Variants in FMN2 observed in about 807,000 individuals in gnomAD.
FMN2 encodes the protein formin-2.
A neutral mutation model predicts 142.3 loss-of-function variants in FMN2; 51 were observed. The ratio of observed to expected loss-of-function variants is 0.36; its 90% CI spans 0.29 to 0.45. The LOEUF (loss-of-function observed/expected upper bound fraction) is 0.45, where lower values mean the gene tolerates loss of function less well. Ranked by LOEUF, FMN2 falls within the 20% of genes least tolerant of loss-of-function variation. The pLI is 1.00. For synonymous variants in FMN2, 882 were observed against 869.8 expected (o/e 1.01, Z -0.25); for missense variants, 1,936 against 2,122.8 (o/e 0.91, Z 1.73).
intron 6 of FMN2, among the ~76,000 whole-genome samples, chr1:240,241,127 C>T (rs545801257): frequency 6.5e-4 from 99 of 152,170 alleles, no homozygotes; most frequent in African/African-American, 2.3e-3. Context: ...TTTAGAAATG[C>T]AACCTGCTAG....
chr1:240,462,564 T>C (rs1558120606), intron 16 of FMN2, among the ~76,000 whole-genome samples: 1 of 152,230 alleles, frequency 6.6e-6, no homozygotes, highest in Non-Finnish European at 1.5e-5. Flanking sequence ...CCTAGTTGTT[T>C]ACCAGAATTT....
intron 7 of FMN2, among the ~76,000 whole-genome samples, chr1:240,275,077 TAA>T (rs1669149156): frequency 8.9e-6 from 1 of 111,912 alleles, no homozygotes; most frequent in Non-Finnish European, 1.8e-5. Flanking sequence ...TTCTTTTTTT[TAA>T]GTTTTTTTTT....
intron 2 of FMN2, chr1:240,170,490 A>T (rs1664658130): frequency 3.4e-6 from 5 of 1,487,476 alleles, no homozygotes; most frequent in Non-Finnish European, 4.7e-6. Context: ...CTAAATCCTA[A>T]AACTAACCTT....
chr1:240,239,716 T>A (rs1474964212), intron 6 of FMN2, among the ~76,000 whole-genome samples: 1 of 152,192 alleles, frequency 6.6e-6, no homozygotes, highest in Admixed American at 6.5e-5. Flanking sequence ...GAAAGAAACA[T>A]CATGCCATTG....
chr1:240,292,757 A>G (rs1211614532), intron 7 of FMN2, among the ~76,000 whole-genome samples: 1 of 152,156 alleles, frequency 6.6e-6, no homozygotes, highest in Admixed American at 6.6e-5. Flanking sequence ...TGGCACTTCG[A>G]TAATTGTAAT....
At chr1:240,361,182 T>C (rs905179665) in intron 14 of FMN2, among the ~76,000 whole-genome samples, 11 of 103,486 alleles carry the variant, frequency 1.1e-4, no homozygotes, top group Non-Finnish European at 2.4e-4. Context: ...TATATATATA[T>C]ATAAAAGAGT....
chr1:240,289,959 A>G (rs1669719746), intron 7 of FMN2, among the ~76,000 whole-genome samples: 1 of 152,184 alleles, frequency 6.6e-6, no homozygotes. Context: ...GTAGTAAGTT[A>G]GAATAAGAAG....
chr1:240,401,486 A>G (rs1673988543), intron 15 of FMN2, among the ~76,000 whole-genome samples: 2 of 152,208 alleles, frequency 1.3e-5, no homozygotes, highest in South Asian at 4.1e-4. Context: ...TTCCTAATCC[A>G]TGGAATTGGC....
intron 6 of FMN2, among the ~76,000 whole-genome samples, chr1:240,243,088 T>C (rs1017534841): frequency 6.6e-6 from 1 of 151,916 alleles, no homozygotes; most frequent in Non-Finnish European, 1.5e-5. Flanking sequence ...AATACGGTAG[T>C]GTAAGTAAGA....
At chr1:240,144,584 G>A in intron 2 of FMN2, 2 of 1,372,274 alleles carry the variant, frequency 1.5e-6, no homozygotes, top group African/African-American at 2.8e-5. Flanking sequence ...CAATCTCAGA[G>A]CTTTAGGAAA....
intron 15 of FMN2, among the ~76,000 whole-genome samples, chr1:240,432,661 C>T (rs1675215440): frequency 6.6e-6 from 1 of 151,734 alleles, no homozygotes; most frequent in African/African-American, 2.4e-5. Context: ...TTATTTGTAT[C>T]CCGTATATTT....
rs184577173 is a variant in FMN2, at chr1:240,139,712, A to G, written c.1782+16367A>G. On this transcript the variant is annotated intron_variant, in intron 2 of 17. Coordinates refer to ENST00000319653, the MANE Select transcript of FMN2 (RefSeq NM_020066.5). ...GTGGAGCGCTGAGAGCGCTGCCCAGATTTCAGCAGGCTGAGGTTTGGAGAC... is the reference window on the plus strand; with the variant it reads ...GTGGAGCGCTGAGAGCGCTGCCCAGGTTTCAGCAGGCTGAGGTTTGGAGAC... Among the ~76,000 whole-genome samples the G allele has an allele frequency of 3.1e-3, 466 of 152,336 alleles. 2 individuals are homozygous for G. The highest frequency in any genetic ancestry group is 0.011 in the African/African-American group (440 of 41,584).
intron 4 of FMN2, among the ~76,000 whole-genome samples, chr1:240,196,115 G>A (rs1665900725): frequency 6.6e-6 from 1 of 152,202 alleles, no homozygotes; most frequent in Non-Finnish European, 1.5e-5. Context: ...AAGGTCTTAT[G>A]AGCCTAATAG....
chr1:240,384,281 G>A (rs1362887429), intron 14 of FMN2, among the ~76,000 whole-genome samples: 2 of 152,068 alleles, frequency 1.3e-5, no homozygotes, highest in African/African-American at 4.8e-5. Flanking sequence ...ACCTGCATAT[G>A]TACCCCAGAA....
At chr1:240,131,083 C>A (rs909184602) in intron 2 of FMN2, among the ~76,000 whole-genome samples, 1 of 152,152 alleles carries the variant, frequency 6.6e-6, no homozygotes. Flanking sequence ...CAGGATTTCT[C>A]AACTATGCTG....
chr1:240,239,717 C>A (rs1667827669), intron 6 of FMN2, among the ~76,000 whole-genome samples: 1 of 152,218 alleles, frequency 6.6e-6, no homozygotes, highest in Non-Finnish European at 1.5e-5. Context: ...AAAGAAACAT[C>A]ATGCCATTGG....
chr1:240,313,128 T>G (rs1186278084), intron 8 of FMN2, among the ~76,000 whole-genome samples: 1 of 152,202 alleles, frequency 6.6e-6, no homozygotes, highest in East Asian at 1.9e-4. Context: ...CCCTTTCTTT[T>G]GGGAGGTCTT....
intron 2 of FMN2, among the ~76,000 whole-genome samples, chr1:240,137,510 C>G (rs1201708933): frequency 1.3e-5 from 2 of 152,200 alleles, no homozygotes; most frequent in African/African-American, 4.8e-5. Flanking sequence ...GCTCTATACT[C>G]ATGTAATACA....
intron 15 of FMN2, among the ~76,000 whole-genome samples, chr1:240,405,749 A>G (rs1674130696): frequency 1.3e-5 from 2 of 152,370 alleles, no homozygotes; most frequent in Middle Eastern, 3.4e-3. Context: ...AATTGAGTCT[A>G]CAATCATTGT....
Sources: gnomAD v4.1 joint callset for allele counts (sites outside exome capture counted in the v4.1 genomes callset) on GRCh38, gnomAD v4.1.1 for gene constraint, MANE v1.5 for transcripts, NCBI Gene and HGNC (gene_info 2026-07-23, HGNC 2026-07-21) for gene names.